The following CEP162 variants were observed in gnomAD, a reference collection of about 807,000 sequenced individuals.
CEP162 encodes centrosomal protein 162.
A neutral mutation model predicts 169.2 loss-of-function variants in CEP162; 141 were observed. The observed-to-expected ratio is 0.83, with a 90% CI of 0.73 to 0.96. CEP162 has a LOEUF of 0.96. Ranked by LOEUF, CEP162 falls within the 40% of genes least tolerant of loss-of-function variation. The pLI is 0.00. For missense variants in CEP162, 1,600 were observed against 1,587.2 expected (o/e 1.01, Z -0.14); for synonymous variants, 540 against 526.4 (o/e 1.03, Z -0.35).
intron 25 of CEP162, among the ~76,000 whole-genome samples, chr6:84,129,649 T>G (rs2099510446): frequency 6.6e-6 from 1 of 152,070 alleles, no homozygotes; most frequent in Non-Finnish European, 1.5e-5. Flanking sequence ...TTCACTCCGG[T>G]TTTTGCTGTG....
At chr6:84,200,001 A>G (rs2099543806) in intron 9 of CEP162, among the ~76,000 whole-genome samples, 2 of 152,242 alleles carry the variant, frequency 1.3e-5, no homozygotes, top group Non-Finnish European at 2.9e-5. Context: ...CTGCAATCCC[A>G]GCACTTTGGG....
intron 21 of CEP162, among the ~76,000 whole-genome samples, chr6:84,159,404 C>T (rs573865246): frequency 6.7e-6 from 1 of 148,844 alleles, no homozygotes; most frequent in East Asian, 2.0e-4. Context: ...TTTTTCTCTC[C>T]CACTTCTGGA....
intron 6 of CEP162, among the ~76,000 whole-genome samples, chr6:84,209,391 T>C (rs1443434641): frequency 6.6e-6 from 1 of 151,836 alleles, no homozygotes; most frequent in African/African-American, 2.4e-5. Context: ...TTTTTTTTCT[T>C]GAGACGGAGT....
rs141117051 is a variant in CEP162 at position 84,155,440 on chromosome 6, G to C, written c.2852C>G (p.Ser951Ter). 3.7e-6 allele frequency: 6 copies of C among 1,612,650 alleles called. No individual in the cohort carries two copies. The highest frequency in any genetic ancestry group is 4.5e-5 in the East Asian group (2 of 44,872). Residue 951 changes from serine to a stop codon, truncating the protein, a stop_gained, in exon 22 of 27, where the codon TCA (serine) becomes TGA (stop). Coordinates refer to ENST00000403245, the MANE Select transcript of CEP162 (RefSeq NM_014895.4). LOFTEE classifies it high-confidence loss of function. ...NSLPALILAA[S>*]AAGDTVDKNT... ...TTTATCCACTGTATCACCAGCTGCT[G>C]ATGCAGCCAATATTAAAGCAGGTAA...
chr6:84,201,322 C>A (rs1443944840), intron 8 of CEP162, among the ~76,000 whole-genome samples: 3 of 151,362 alleles, frequency 2.0e-5, no homozygotes, highest in Admixed American at 1.3e-4. Context: ...AAATGCAATG[C>A]ATATTAAAAC....
intron 25 of CEP162, among the ~76,000 whole-genome samples, chr6:84,129,278 C>A (rs1357337261): frequency 1.3e-5 from 2 of 152,188 alleles, no homozygotes; most frequent in Non-Finnish European, 2.9e-5. Flanking sequence ...CTGTCTCCCA[C>A]AGTGGTTGAA....
chr6:84,213,924 T>C (rs1409415077), intron 5 of CEP162, among the ~76,000 whole-genome samples: 8 of 152,192 alleles, frequency 5.3e-5, no homozygotes, highest in Non-Finnish European at 1.2e-4. Context: ...TTTTTCACCA[T>C]GCCATTTGGG....
chr6:84,208,083 A>G (rs2099548015), intron 6 of CEP162, among the ~76,000 whole-genome samples: 1 of 150,172 alleles, frequency 6.7e-6, no homozygotes, highest in Admixed American at 6.6e-5. Context: ...GTACTTATGA[A>G]AGATCTCTGA....
intron 9 of CEP162, 55 bp from the exon 10 acceptor site, chr6:84,195,130 G>C (rs1486788606): frequency 7.7e-7 from 1 of 1,299,354 alleles, no homozygotes; most frequent in East Asian, 2.5e-5. Flanking sequence ...ACATGAGAAC[G>C]ATAAAACACT....
At chr6:84,202,317 C>T (rs752143973) in intron 7 of CEP162, among the ~76,000 whole-genome samples, 1 of 152,086 alleles carries the variant, frequency 6.6e-6, no homozygotes, top group African/African-American at 2.4e-5. Flanking sequence ...ATCACCTATA[C>T]CTCCTACTTG....
intron 13 of CEP162, among the ~76,000 whole-genome samples, chr6:84,175,851 T>C (rs906736871): frequency 6.6e-6 from 1 of 152,116 alleles, no homozygotes; most frequent in Non-Finnish European, 1.5e-5. Flanking sequence ...ACGGAGGATT[T>C]TATAATTGTT....
chr6:84,159,547 A>ATATTTT (rs2099524779), intron 21 of CEP162, among the ~76,000 whole-genome samples: 5 of 31,954 alleles, frequency 1.6e-4, no homozygotes, highest in Non-Finnish European at 2.0e-4. Flanking sequence ...ATATATATAT[A>ATATTTT]TTTTTTTTTT....
At chr6:84,139,495 T>C (rs1233181329) in intron 25 of CEP162, among the ~76,000 whole-genome samples, 2 of 152,162 alleles carry the variant, frequency 1.3e-5, no homozygotes, top group Admixed American at 1.3e-4. Context: ...GGAACTCACA[T>C]GGGTTGAGAA....
intron 13 of CEP162, among the ~76,000 whole-genome samples, chr6:84,178,535 T>C (rs1170121472): frequency 1.3e-5 from 2 of 152,218 alleles, no homozygotes; most frequent in African/African-American, 4.8e-5. Flanking sequence ...TTGCAAACTT[T>C]TAAAGTATGC....
chr6:84,185,784 G>A (rs999118710), intron 12 of CEP162, among the ~76,000 whole-genome samples: 3 of 152,096 alleles, frequency 2.0e-5, no homozygotes, highest in Non-Finnish European at 2.9e-5. Flanking sequence ...TTCTCAAGAT[G>A]CTTTAAAAAT....
intron 9 of CEP162, among the ~76,000 whole-genome samples, chr6:84,199,042 C>G (rs1365025527): frequency 3.9e-5 from 6 of 152,158 alleles, no homozygotes; most frequent in Non-Finnish European, 8.8e-5. Flanking sequence ...TAAAGTTTCT[C>G]TGGTCATCCT....
chr6:84,150,231 A>G (rs569392885), intron 23 of CEP162, among the ~76,000 whole-genome samples: 1 of 152,082 alleles, frequency 6.6e-6, no homozygotes, highest in South Asian at 2.1e-4. Context: ...AATTAATTGG[A>G]CTGTAAGTGT....
chr6:84,158,943 A>G (rs1464820400), intron 21 of CEP162, among the ~76,000 whole-genome samples: 1 of 151,664 alleles, frequency 6.6e-6, no homozygotes, highest in Admixed American at 6.6e-5. Context: ...TCTCATTGCA[A>G]ATCAAACCAT....
intron 13 of CEP162, among the ~76,000 whole-genome samples, chr6:84,179,555 C>G (rs1270200111): frequency 6.6e-6 from 1 of 151,952 alleles, no homozygotes; most frequent in Non-Finnish European, 1.5e-5. Context: ...TTTGTAGATT[C>G]TGGATATTAG....
Sources: allele counts gnomAD v4.1 joint callset (sites outside exome capture counted in the v4.1 genomes callset), GRCh38; gene constraint gnomAD v4.1.1; transcripts MANE v1.5; gene names NCBI Gene and HGNC (gene_info 2026-07-23, HGNC 2026-07-21).